DOCK7: variants seen among roughly 807,000 people sequenced by gnomAD.
The protein encoded by DOCK7 is dedicator of cytokinesis protein 7.
DOCK7 carries 138 observed loss-of-function variants against 271.0 expected under a neutral mutation model. The ratio of observed to expected loss-of-function variants is 0.51; its 90% CI spans 0.44 to 0.59. DOCK7 has a LOEUF of 0.59. DOCK7 is among the 20% of genes least tolerant of loss of function. The pLI is 0.00. For synonymous variants in DOCK7, 823 were observed against 876.1 expected, an observed-to-expected ratio of 0.94 and a Z score of 1.07; for missense variants, 2,066 against 2,592.4, an observed-to-expected ratio of 0.80 and a Z score of 4.41.
At chr1:62,618,567 T>A in intron 14 of DOCK7, 139 bp downstream of exon 14, 2 of 696,794 alleles carry the variant, frequency 2.9e-6, no homozygotes, top group Non-Finnish European at 4.8e-6. Context: ...GTGAAAACTA[T>A]TAATAAAATT....
chr1:62,456,219 A>G (rs1436676679), intron 49 of DOCK7, among the ~76,000 whole-genome samples: 3 of 152,046 alleles, frequency 2.0e-5, no homozygotes, highest in Non-Finnish European at 2.9e-5. Flanking sequence ...GGTCTTAGGG[A>G]CTCCCCTCTC....
At chr1:62,604,119 A>G in intron 14 of DOCK7, 1 of 1,613,280 alleles carries the variant, frequency 6.2e-7, no homozygotes, top group Non-Finnish European at 8.5e-7. Flanking sequence ...TATACGCTAC[A>G]TCTAGTTGCG....
chr1:62,566,068 G>T (rs1284868568), intron 18 of DOCK7, among the ~76,000 whole-genome samples: 1 of 152,120 alleles, frequency 6.6e-6, no homozygotes, highest in Non-Finnish European at 1.5e-5. Context: ...CAAATAAATG[G>T]AAAAACATTC....
At chr1:62,687,460 A>C (rs1019339032) in intron 1 of DOCK7, 4 of 152,230 alleles carry the variant, frequency 2.6e-5, no homozygotes, top group African/African-American at 9.6e-5. Context: ...TATAAAGAAC[A>C]CTGCCTATCA....
At position 62,539,774 on chromosome 1, in the gene DOCK7, T is replaced by C; in HGVS notation, c.3164A>G (p.Asp1055Gly). ...IAALVSTIAS[D>G]IVSRFQKDTE... ...TACCTTCTGAAATCGTGAAACTATA[T>C]CACTAGCAATCGTGCTGACAAGAGC... Residue 1055 changes from aspartate to glycine, a missense_variant, in exon 26 of 50, where the codon GAT (aspartate) becomes GGT (glycine). By Grantham distance (94) the Asp-to-Gly change is moderately conservative (BLOSUM62 -1). Transcript: ENST00000635253. 1 of 1,613,284 alleles carries C rather than the reference T, an allele frequency of 6.2e-7. No homozygotes were observed. Among genetic ancestry groups the C allele is most frequent in the Non-Finnish European group, 8.5e-7 (1 of 1,179,786 alleles).
chr1:62,558,944 C>A, intron 20 of DOCK7, 45 bp downstream of exon 20: 1 of 1,434,318 alleles, frequency 7.0e-7, no homozygotes, highest in South Asian at 1.3e-5. Context: ...TTAGAAATGT[C>A]AAGTTATAAA....
At chr1:62,562,027 C>T (rs1170792876) in intron 18 of DOCK7, among the ~76,000 whole-genome samples, 1 of 148,180 alleles carries the variant, frequency 6.7e-6, no homozygotes, top group Non-Finnish European at 1.5e-5. Flanking sequence ...TATTTTTATA[C>T]ACATTTGTAT....
intron 31 of DOCK7, 80 bp from the exon 32 acceptor site, chr1:62,513,978 A>C (rs1644582070): frequency 7.8e-7 from 1 of 1,281,288 alleles, no homozygotes; most frequent in African/African-American, 1.5e-5. Flanking sequence ...GTTTTCTTCT[A>C]AAAACAATAA....
At chr1:62,616,530 G>A (rs995020148) in intron 14 of DOCK7, among the ~76,000 whole-genome samples, 1 of 151,600 alleles carries the variant, frequency 6.6e-6, no homozygotes, top group Non-Finnish European at 1.5e-5. Flanking sequence ...ATGAATGCTG[G>A]ATGTCCTAAC....
intron 43 of DOCK7, chr1:62,485,577 G>A: frequency 1.0e-6 from 1 of 985,318 alleles, no homozygotes. Context: ...AAATTAGCTA[G>A]GAAACATTGC....
At chr1:62,680,974 T>C (rs1661055583) in intron 1 of DOCK7, among the ~76,000 whole-genome samples, 1 of 152,226 alleles carries the variant, frequency 6.6e-6, no homozygotes, top group Non-Finnish European at 1.5e-5. Flanking sequence ...GAAGACAGTG[T>C]GGCGATTCCT....
intron 31 of DOCK7, among the ~76,000 whole-genome samples, chr1:62,522,161 T>C (rs1644871421): frequency 6.6e-6 from 1 of 152,050 alleles, no homozygotes; most frequent in Admixed American, 6.6e-5. Context: ...ATTCTAATCT[T>C]AGGTACTTGC....
intron 2 of DOCK7, among the ~76,000 whole-genome samples, chr1:62,658,604 A>G (rs1215132754): frequency 6.6e-6 from 1 of 152,202 alleles, no homozygotes; most frequent in Non-Finnish European, 1.5e-5. Flanking sequence ...TCAAGTGCTG[A>G]AAGAAAATAA....
Position 62,686,157 on chromosome 1 carries a change from CTTTTTTTTTTTTTTTTTT to C in DOCK7, c.38+2052_38+2069del, listed in dbSNP as rs1161312915. 4.8e-4 allele frequency among the ~76,000 whole-genome samples: 2 copies of C among 4,204 alleles called. 1 individual carries two copies. The highest frequency in any genetic ancestry group is 5.0e-4 in the African/African-American group (2 of 3,980). The allele number at this position is 4,204 out of a possible 152,430, so 2.8% of individuals were successfully genotyped here. ...ACTAGGAATACATGTCAAGTAATAA[CTTTTTTTTTTTTTTTTTT>C]TTTTTTTTTTTTTTTTTGAGACGGA... On this transcript the variant is annotated intron_variant, in intron 1 of 49. Transcript: ENST00000635253.
rs147500008 is a variant in DOCK7 at position 62,597,692 on chromosome 1, T to C, written c.1683-11068A>G. On this transcript the variant is annotated intron_variant, in intron 14 of 49. Coordinates refer to ENST00000635253, the MANE Select transcript of DOCK7 (RefSeq NM_001367561.1). ...AATCAAGATTTGCTATGTTAGACGATGTAAAAATTTTAGCCAATGGCCTCC... is the reference window on the plus strand; with the variant it reads ...AATCAAGATTTGCTATGTTAGACGACGTAAAAATTTTAGCCAATGGCCTCC... 1.2e-5 allele frequency: 20 copies of C among 1,613,608 alleles called. No homozygotes were observed. The highest frequency in any genetic ancestry group is 1.7e-4 in the Middle Eastern group (1 of 6,052).
chr1:62,471,945 C>T (rs781590129), intron 48 of DOCK7, among the ~76,000 whole-genome samples: 2 of 152,022 alleles, frequency 1.3e-5, no homozygotes, highest in East Asian at 1.9e-4. Context: ...TAAGATTATA[C>T]GTATGACTAT....
intron 1 of DOCK7, among the ~76,000 whole-genome samples, chr1:62,665,957 A>C (rs1249563589): frequency 6.6e-6 from 1 of 151,936 alleles, no homozygotes; most frequent in Non-Finnish European, 1.5e-5. Context: ...AGGTCATGAG[A>C]TCAGGACCAT....
intron 14 of DOCK7, among the ~76,000 whole-genome samples, chr1:62,587,246 C>T (rs971512421): frequency 4.7e-5 from 7 of 148,652 alleles, no homozygotes; most frequent in African/African-American, 1.5e-4. Flanking sequence ...CTTTAATAGT[C>T]CTTGCTGCCA....
chr1:62,601,207 T>A, intron 14 of DOCK7: 1 of 1,530,548 alleles, frequency 6.5e-7, no homozygotes. Context: ...GTAAGACACT[T>A]TGGTGGGTTT....
Sources: allele counts gnomAD v4.1 joint callset (sites outside exome capture counted in the v4.1 genomes callset), GRCh38; gene constraint gnomAD v4.1.1; transcripts MANE v1.5; gene names NCBI Gene and HGNC (gene_info 2026-07-23, HGNC 2026-07-21).